Variants in LINGO2 observed in about 807,000 individuals in gnomAD.
The protein encoded by LINGO2 is leucine-rich repeat and immunoglobulin-like domain-containing nogo receptor-interacting protein 2.
In LINGO2, 14 loss-of-function variants were observed where a neutral mutation model predicts 30.6. The ratio of observed to expected loss-of-function variants is 0.46; its 90% CI spans 0.30 to 0.72. The LOEUF (loss-of-function observed/expected upper bound fraction) is 0.72, where lower values mean the gene tolerates loss of function less well. Among genes scored for constraint, LINGO2 ranks in the 30% least tolerant of loss-of-function variants. The pLI is 0.07. For missense variants in LINGO2, 729 were observed against 751.7 expected, an observed-to-expected ratio of 0.97 and a Z score of 0.35; for synonymous variants, 317 against 288.5, an observed-to-expected ratio of 1.10 and a Z score of -1.00.
chr9:28,800,194 G>A, the LINGO2 span, among the ~76,000 whole-genome samples: 6 of 151,968 alleles, frequency 3.9e-5, no homozygotes, highest in African/African-American at 1.4e-4. Flanking sequence ...CTTTTCAGCT[G>A]CAGTAACTCT....
chr9:28,126,881 T>TA (rs888512377), intron 4 of LINGO2, among the ~76,000 whole-genome samples: 1 of 152,186 alleles, frequency 6.6e-6, no homozygotes, highest in Non-Finnish European at 1.5e-5. Flanking sequence ...TCTCTAAACT[T>TA]ACTTCAATTT....
chr9:28,636,098 G>A (rs1187780472), intron 1 of LINGO2, among the ~76,000 whole-genome samples: 2 of 152,056 alleles, frequency 1.3e-5, no homozygotes, highest in African/African-American at 4.8e-5. Flanking sequence ...CCTCGTGATG[G>A]TTTGCTCAGA....
At chr9:28,879,888 C>T in the LINGO2 span, among the ~76,000 whole-genome samples, 1 of 152,120 alleles carries the variant, frequency 6.6e-6, no homozygotes, top group East Asian at 1.9e-4. Flanking sequence ...GACAGGGAAT[C>T]AGAAAGCCTA....
At chr9:28,200,184 G>A (rs1820177791) in intron 4 of LINGO2, among the ~76,000 whole-genome samples, 1 of 152,170 alleles carries the variant, frequency 6.6e-6, no homozygotes, top group Non-Finnish European at 1.5e-5. Context: ...AGCTAATGCA[G>A]TTCCTGCCAA....
At chr9:28,955,267 A>G in the LINGO2 span, among the ~76,000 whole-genome samples, 8 of 152,252 alleles carry the variant, frequency 5.3e-5, no homozygotes, top group African/African-American at 1.7e-4. Context: ...AGTCAGAAGG[A>G]GACAGAGAAT....
At chr9:27,957,578 C>G (rs544937215) in intron 5 of LINGO2, among the ~76,000 whole-genome samples, 1 of 152,290 alleles carries the variant, frequency 6.6e-6, no homozygotes, top group South Asian at 2.1e-4. Flanking sequence ...CAGGCGTGAG[C>G]CACCGCACCC....
intron 2 of LINGO2, among the ~76,000 whole-genome samples, chr9:28,394,670 G>A (rs1821971671): frequency 6.6e-6 from 1 of 152,144 alleles, no homozygotes; most frequent in Non-Finnish European, 1.5e-5. Flanking sequence ...GGTAGGTAGA[G>A]GTAACAGGTA....
At chr9:28,853,865 T>G in the LINGO2 span, among the ~76,000 whole-genome samples, 1 of 151,940 alleles carries the variant, frequency 6.6e-6, no homozygotes, top group South Asian at 2.1e-4. Context: ...AAGGTGAGAT[T>G]TGGGAGGTGA....
chr9:28,684,228 C>T, the LINGO2 span, among the ~76,000 whole-genome samples: 1 of 109,268 alleles, frequency 9.2e-6, no homozygotes, highest in Non-Finnish European at 1.8e-5. Flanking sequence ...TTCTCTGTCG[C>T]CCAGGCTGGA....
At chr9:29,110,382 G>T in the LINGO2 span, among the ~76,000 whole-genome samples, 1 of 152,116 alleles carries the variant, frequency 6.6e-6, no homozygotes, top group Non-Finnish European at 1.5e-5. Flanking sequence ...GCCCAGGCTG[G>T]AGTGCAGTGA....
At chr9:29,143,894 T>A in the LINGO2 span, among the ~76,000 whole-genome samples, 1 of 152,208 alleles carries the variant, frequency 6.6e-6, no homozygotes, top group Non-Finnish European at 1.5e-5. Flanking sequence ...AGGATTTTTA[T>A]AGTTTGGGTT....
At chr9:27,950,676 C>A in exon 6 of LINGO2, 1 of 1,504,048 alleles carries the variant, frequency 6.6e-7, no homozygotes. Context: ...AAGCATGACT[C>A]CACTTCTTAG....
chr9:28,952,695 A>G, the LINGO2 span, among the ~76,000 whole-genome samples: 1 of 152,160 alleles, frequency 6.6e-6, no homozygotes, highest in Non-Finnish European at 1.5e-5. Context: ...TGTCAGACAG[A>G]GAAGTAGCCA....
At chr9:28,886,766 C>T in the LINGO2 span, among the ~76,000 whole-genome samples, 1 of 152,098 alleles carries the variant, frequency 6.6e-6, no homozygotes, top group Non-Finnish European at 1.5e-5. Flanking sequence ...CAATACTAAA[C>T]TAAAACTTTG....
intron 4 of LINGO2, among the ~76,000 whole-genome samples, chr9:28,094,740 C>T (rs957565204): frequency 2.0e-5 from 3 of 152,054 alleles, no homozygotes; most frequent in African/African-American, 7.2e-5. Flanking sequence ...TCATTAACAA[C>T]ATTTGAGATG....
the LINGO2 span, among the ~76,000 whole-genome samples, chr9:28,714,664 A>G: frequency 6.6e-6 from 1 of 152,110 alleles, no homozygotes; most frequent in African/African-American, 2.4e-5. Flanking sequence ...GCTCTTCTCT[A>G]TTACAACAGC....
the LINGO2 span, among the ~76,000 whole-genome samples, chr9:29,003,132 C>G: frequency 1.3e-5 from 2 of 151,962 alleles, no homozygotes; most frequent in South Asian, 2.1e-4. Context: ...GGAACAGATT[C>G]TCCCCTAGAG....
rs944655061 is a variant in LINGO2 at position 28,332,298 on chromosome 9, G to A, written c.-245-36932C>T. On this transcript the variant is annotated intron_variant, in intron 3 of 5. Coordinates refer to ENST00000379992, the Ensembl canonical transcript of LINGO2. ...ATGTCAAAGTAATTGTGGTCTTGCC[G>A]TCACTTTCAAAACCGCAATTACTTT... Among the ~76,000 whole-genome samples the A allele has an allele frequency of 5.9e-5, 9 of 152,006 alleles. No individual in the cohort carries two copies. In the East Asian group the frequency reaches 7.7e-4, roughly 13 times the overall value.
intron 1 of LINGO2, among the ~76,000 whole-genome samples, chr9:28,627,766 A>C (rs777088257): frequency 2.0e-5 from 3 of 152,052 alleles, no homozygotes; most frequent in Non-Finnish European, 2.9e-5. Flanking sequence ...GCATAAAAAT[A>C]ATTGTGTAAT....
Sources: allele counts gnomAD v4.1 joint callset (sites outside exome capture counted in the v4.1 genomes callset), GRCh38; gene constraint gnomAD v4.1.1; transcripts MANE v1.5; gene names NCBI Gene and HGNC (gene_info 2026-07-23, HGNC 2026-07-21).